BRAF: variants seen among roughly 807,000 people sequenced by gnomAD.
The protein encoded by BRAF is B-Raf proto-oncogene, serine/threonine kinase, also known as serine/threonine-protein kinase B-raf.
Under a neutral mutation model 104.6 loss-of-function variants are expected in BRAF, and 16 were observed. That is an observed-to-expected ratio of 0.15 (90% CI 0.10 to 0.23). The LOEUF (loss-of-function observed/expected upper bound fraction) is 0.23, where lower values mean the gene tolerates loss of function less well. Among genes scored for constraint, BRAF ranks in the 10% least tolerant of loss-of-function variants. The pLI is 1.00. For synonymous variants in BRAF, 310 were observed against 341.6 expected (o/e 0.91, Z 1.02); for missense variants, 541 against 937.3 (o/e 0.58, Z 5.52).
chr7:140,787,493 G>A, intron 9 of BRAF, 55 bp downstream of exon 9: 1 of 1,517,350 alleles, frequency 6.6e-7, no homozygotes, highest in Non-Finnish European at 9.2e-7. Context: ...GAAATAAGCA[G>A]CAAAGCAATT....
chr7:140,721,962 T>C lies in BRAF; in HGVS notation c.*4532A>G, dbSNP rs1013922556. Reference sequence around the variant, plus strand: ...AGTGTCTAGGTTGGCAGCAGTACTCTGGAAACTGATAAAACCAAATTCGGT... The same window carrying C: ...AGTGTCTAGGTTGGCAGCAGTACTCCGGAAACTGATAAAACCAAATTCGGT... On this transcript the variant is annotated 3_prime_UTR_variant, in exon 20 of 20. Transcript: ENST00000644969. The C allele has an allele frequency of 1.6e-6, 2 of 1,225,858 alleles. No homozygotes were observed. The highest frequency in any genetic ancestry group is 2.0e-6 in the Non-Finnish European group (2 of 984,444). The allele number at this position is 1,225,858 out of a possible 1,614,324, so 75.9% of individuals were successfully genotyped here. A position where few individuals can be genotyped will look rare whatever the true frequency, so the allele number is the denominator to read the frequency against.
At chr7:140,727,124 C>T (rs558188853) in intron 19 of BRAF, among the ~76,000 whole-genome samples, 3 of 151,686 alleles carry the variant, frequency 2.0e-5, no homozygotes, top group African/African-American at 7.3e-5. Flanking sequence ...CACAAAGTAC[C>T]TTTGTGATAT....
At chr7:140,890,203 CAAAGT>C (rs1191521134) in intron 1 of BRAF, among the ~76,000 whole-genome samples, 2 of 152,068 alleles carry the variant, frequency 1.3e-5, no homozygotes, top group Non-Finnish European at 2.9e-5. Context: ...GTGACTGGCA[CAAAGT>C]AAATAATAAA....
intron 2 of BRAF, among the ~76,000 whole-genome samples, chr7:140,837,202 T>A (rs1430150310): frequency 6.6e-6 from 1 of 152,200 alleles, no homozygotes; most frequent in Admixed American, 6.5e-5. Flanking sequence ...CTGCCATAGA[T>A]TTCTCTAAAC....
intron 1 of BRAF, among the ~76,000 whole-genome samples, chr7:140,869,091 G>A (rs1186950636): frequency 6.6e-6 from 1 of 152,266 alleles, no homozygotes; most frequent in East Asian, 1.9e-4. Flanking sequence ...GGAGGACAAG[G>A]CATAGGATGC....
At chr7:140,822,489 G>C (rs917571520) in intron 3 of BRAF, 7 of 152,206 alleles carry the variant, frequency 4.6e-5, no homozygotes, top group Non-Finnish European at 7.3e-5. Context: ...TGTCACTATA[G>C]AAGAGTTTGC....
Position 140,734,722 on chromosome 7 carries a change from G to A in BRAF, c.2296C>T (p.Arg766Cys), listed in dbSNP as rs2130868956. 1.2e-6 allele frequency: 2 copies of A among 1,609,170 alleles called. No individual in the cohort carries two copies. Among genetic ancestry groups the A allele is most frequent in the Non-Finnish European group, 1.7e-6 (2 of 1,179,112 alleles). Residue 766 changes from arginine (R) to cysteine (C), a missense_variant, in exon 19 of 20, where the codon CGC becomes TGC. This residue lies in a region of BRAF where 129 missense variants were observed against 285.8 expected (regional missense o/e 0.45). Transcript: ENST00000644969. ...TTCAAGGAGGGTTCTGATGCACTGC[G>A]GTGAATTTTTGGCAATGAGCGGGCC... ...LLARSLPKIH[R>C]SASEPSLNRA...
At chr7:140,816,029 A>T (rs1040939723) in intron 3 of BRAF, among the ~76,000 whole-genome samples, 3 of 152,232 alleles carry the variant, frequency 2.0e-5, no homozygotes, top group African/African-American at 7.2e-5. Context: ...AAACTTACCA[A>T]GCAACAGAGA....
intron 1 of BRAF, among the ~76,000 whole-genome samples, chr7:140,874,043 G>A (rs1422394970): frequency 1.3e-5 from 2 of 152,006 alleles, no homozygotes; most frequent in Non-Finnish European, 2.9e-5. Flanking sequence ...TTACGGGGGT[G>A]GTGGGAACAC....
At chr7:140,713,467 C>T in the BRAF span, among the ~76,000 whole-genome samples, 1 of 151,898 alleles carries the variant, frequency 6.6e-6, no homozygotes, top group South Asian at 2.1e-4. Flanking sequence ...TCCATCAGGT[C>T]CTTTAAGGAC....
At chr7:140,714,118 TA>T in the BRAF span, among the ~76,000 whole-genome samples, 2 of 152,096 alleles carry the variant, frequency 1.3e-5, no homozygotes, top group African/African-American at 4.8e-5. Flanking sequence ...GGAGAACCAC[TA>T]CTCTCTTCAA....
chr7:140,734,797 G>GAAAAAAAAAAAAAAAAAGAAAAAAAAAAA, intron 18 of BRAF, 27 bp from the exon 18 acceptor site: 1 of 1,126,488 alleles, frequency 8.9e-7, no homozygotes, highest in Non-Finnish European at 1.2e-6. Flanking sequence ...AAAAAAAAAA[G>GAAAAAAAAAAAAAAAAAGAAAAAAAAAAA]AAAAAAAAAG....
chr7:140,757,224 T>C (rs1798274900), intron 14 of BRAF, among the ~76,000 whole-genome samples: 1 of 152,142 alleles, frequency 6.6e-6, no homozygotes, highest in Non-Finnish European at 1.5e-5. Context: ...AGAATAATTA[T>C]TCTTGAATTG....
At chr7:140,730,414 C>G (rs1795873304) in intron 19 of BRAF, among the ~76,000 whole-genome samples, 1 of 152,138 alleles carries the variant, frequency 6.6e-6, no homozygotes, top group Non-Finnish European at 1.5e-5. Context: ...ACTACCCAGG[C>G]TGGAGTGCAG....
intron 14 of BRAF, among the ~76,000 whole-genome samples, chr7:140,760,801 G>T (rs921137959): frequency 2.0e-5 from 3 of 152,072 alleles, no homozygotes; most frequent in African/African-American, 7.2e-5. Context: ...GATGGAAGAT[G>T]AAATGAATGA....
chr7:140,849,673 G>A (rs544761155), intron 2 of BRAF, among the ~76,000 whole-genome samples: 2 of 152,064 alleles, frequency 1.3e-5, no homozygotes, highest in South Asian at 2.1e-4. Flanking sequence ...TTAGGTGGAC[G>A]TGGTAATGTG....
intron 1 of BRAF, among the ~76,000 whole-genome samples, chr7:140,892,288 T>C (rs1361313223): frequency 6.6e-6 from 1 of 152,034 alleles, no homozygotes; most frequent in Non-Finnish European, 1.5e-5. Flanking sequence ...AAGGTAAGCT[T>C]CTTTACTACA....
At position 140,823,285 on chromosome 7, in the gene BRAF, A is replaced by G. The variant is rs77222490; in HGVS notation, c.504+11324T>C. Among the ~76,000 whole-genome samples, 479 of 152,260 alleles carry G rather than the reference A, an allele frequency of 3.1e-3. 5 individuals are homozygous for G. The highest frequency in any genetic ancestry group is 0.011 in the African/African-American group (464 of 41,552). On this transcript the variant is annotated intron_variant, in intron 3 of 19. Transcript: ENST00000644969. ...ATCTCCTGAACTCTTTTCATCCTGC[A>G]AAACTAAAACTCTATAACCATTAAA...
intron 2 of BRAF, among the ~76,000 whole-genome samples, chr7:140,847,024 G>A (rs951501822): frequency 5.3e-5 from 8 of 151,972 alleles, no homozygotes; most frequent in Admixed American, 6.6e-5. Context: ...GAGTCATAAC[G>A]CACACCTGTA....
Sources: gnomAD v4.1 joint callset for allele counts (sites outside exome capture counted in the v4.1 genomes callset) on GRCh38, gnomAD v4.1.1 for gene constraint, gnomAD v4.1.1 regional missense constraint, MANE v1.5 for transcripts, NCBI Gene and HGNC (gene_info 2026-07-23, HGNC 2026-07-21) for gene names.